Variants in IQANK1 observed in about 807,000 individuals in gnomAD.
The protein encoded by IQANK1 is IQ motif and ankyrin repeat containing 1, also known as IQ motif and ankyrin repeat domain-containing protein 1.
In IQANK1, 30 loss-of-function variants were observed where a neutral mutation model predicts 22.6. That is an observed-to-expected ratio of 1.33 (90% CI 0.99 to 1.80). The LOEUF (loss-of-function observed/expected upper bound fraction) is 1.80. Ranked by LOEUF, IQANK1 falls within the 40% of genes most tolerant of loss-of-function variation. IQANK1 has a pLI of 0.00. For missense variants in IQANK1, 275 were observed against 235.2 expected, an observed-to-expected ratio of 1.17 and a Z score of -1.11; for synonymous variants, 122 against 99.6, an observed-to-expected ratio of 1.23 and a Z score of -1.34.
intron 3 of IQANK1, among the ~76,000 whole-genome samples, chr8:143,766,303 G>A (rs1819479641): frequency 6.6e-6 from 1 of 152,096 alleles, no homozygotes; most frequent in Non-Finnish European, 1.5e-5. Flanking sequence ...CCTTTTGTCA[G>A]TTACATGGAT....
In IQANK1 at chr8:143,772,134, C is replaced by T. The variant is rs7823975; in HGVS notation, c.554C>T (p.Ala185Val). 7,777 of 395,378 alleles carry T rather than the reference C, an allele frequency of 0.02. 388 individuals carry two copies. Among genetic ancestry groups the T allele is most frequent in the African/African-American group, 0.12 (6,006 of 48,502 alleles). 24.5% of individuals were successfully genotyped at this position (395,378 alleles called of 1,614,324 possible). A position where few individuals can be genotyped will look rare whatever the true frequency, so the allele number is the denominator to read the frequency against. The change falls in exon 6 of 14, where the codon GCG (alanine) becomes GTG (valine). Residue 185 changes from alanine (A) to valine (V), a missense_variant. Physicochemically the swap from Ala to Val is moderately conservative, Grantham distance 64 (BLOSUM62 0). Coordinates refer to ENST00000527139, the MANE Select transcript of IQANK1 (RefSeq NM_001381874.1). The part of the protein sequence containing the change: ...ARRLQRRVAL[A>V]ECEDSYGNTP... ...CGGCTGCAGCGACGCGTGGCTCTGG[C>T]GGAGTGCGAGGACAGCTACGGGAAC... is the stretch of plus-strand genomic sequence containing the variant.
At chr8:143,743,048 G>A (rs1818956324) in intron 3 of IQANK1, 2 of 456,080 alleles carry the variant, frequency 4.4e-6, no homozygotes, top group Non-Finnish European at 8.8e-6. Flanking sequence ...GGGGCCCTGT[G>A]CCTGTGTCCC....
intron 3 of IQANK1, among the ~76,000 whole-genome samples, chr8:143,747,757 C>T (rs936066611): frequency 6.6e-6 from 1 of 152,032 alleles, no homozygotes. Context: ...CTTTGCGCAG[C>T]GTGATTTTAA....
At chr8:143,751,631 T>A (rs1819190540) in intron 3 of IQANK1, among the ~76,000 whole-genome samples, 1 of 27,990 alleles carries the variant, frequency 3.6e-5, no homozygotes, top group African/African-American at 1.3e-4. Flanking sequence ...AAAAAGTGTG[T>A]GTGTGTGTGT....
chr8:143,734,382 C>G (rs1453559559), intron 1 of IQANK1, among the ~76,000 whole-genome samples, 163 bp downstream of exon 1: 1 of 150,842 alleles, frequency 6.6e-6, no homozygotes, highest in African/African-American at 2.4e-5. Context: ...CCAACCCCCA[C>G]CACACACACT....
At chr8:143,761,745 T>C (rs1819400536) in intron 3 of IQANK1, among the ~76,000 whole-genome samples, 1 of 151,764 alleles carries the variant, frequency 6.6e-6, no homozygotes, top group African/African-American at 2.4e-5. Context: ...CCCATAAACA[T>C]GGAGCCTTAT....
At chr8:143,748,767 AATATATAAATATATC>A (rs1420483737) in intron 3 of IQANK1, among the ~76,000 whole-genome samples, 34 of 105,980 alleles carry the variant, frequency 3.2e-4, no homozygotes, top group African/African-American at 1.2e-3. Context: ...AAATATATAT[AATATATAAATATATC>A]ATATATAAAT....
chr8:143,767,460 G>A (rs1176277383), intron 3 of IQANK1, among the ~76,000 whole-genome samples: 6 of 152,110 alleles, frequency 3.9e-5, no homozygotes, highest in Non-Finnish European at 7.3e-5. Context: ...TTTTGGTCTT[G>A]CAGAAAAGTA....
chr8:143,769,085 CAG>C (rs1819528083), intron 3 of IQANK1, among the ~76,000 whole-genome samples: 1 of 152,074 alleles, frequency 6.6e-6, no homozygotes. Context: ...TTTACTGAGA[CAG>C]GGTCTCGCTC....
intron 3 of IQANK1, among the ~76,000 whole-genome samples, chr8:143,752,232 C>T (rs575680025): frequency 7.9e-4 from 120 of 152,322 alleles, no homozygotes; most frequent in Non-Finnish European, 1.4e-3. Context: ...CCCCAAAGTG[C>T]TGGGATTACA....
chr8:143,774,349 A>G lies in IQANK1; in HGVS notation c.789+1867A>G, dbSNP rs1336067305. ...AACATAGAAAAAACTCACATCGCAA[A>G]CAACAATGAAACATACAATCTAGGT... On this transcript the variant is annotated intron_variant, in intron 7 of 13. Coordinates refer to ENST00000527139, the MANE Select transcript of IQANK1 (RefSeq NM_001381874.1). This position sits in a 1 kb window ranked among gnomAD's most constrained non-coding sequence, Gnocchi z 4.2. Among the ~76,000 whole-genome samples the G allele has an allele frequency of 6.6e-6, 1 of 152,204 alleles. No individual in the cohort carries two copies. The highest frequency in any genetic ancestry group is 1.5e-5 in the Non-Finnish European group (1 of 68,030).
chr8:143,754,624 TTTA>T (rs1255171727), intron 3 of IQANK1, among the ~76,000 whole-genome samples: 2 of 152,070 alleles, frequency 1.3e-5, no homozygotes, highest in Admixed American at 1.3e-4. Flanking sequence ...CAATCTTATT[TTTA>T]TTATTATTTT....
rs536459303 is a variant in IQANK1, at chr8:143,779,164, T to G, written c.789+6682T>G. On this transcript the variant is annotated intron_variant, in intron 7 of 13. Transcript: ENST00000527139. The stretch of plus-strand genomic sequence containing the variant: ...TATAAATTTATAAACTTATAAGCTA[T>G]CCACTCATTAATGTGCCCATTCCAC... Among the ~76,000 whole-genome samples, 20 of 152,352 alleles carry G rather than the reference T, an allele frequency of 1.3e-4. 1 individual carries two copies. Among genetic ancestry groups the G allele is most frequent in the African/African-American group, 4.3e-4 (18 of 41,588 alleles).
At chr8:143,777,147 C>A (rs1554630501) in intron 7 of IQANK1, among the ~76,000 whole-genome samples, 1 of 150,646 alleles carries the variant, frequency 6.6e-6, no homozygotes, top group African/African-American at 2.4e-5. Context: ...TATATATACA[C>A]ACACATATAT....
intron 3 of IQANK1, among the ~76,000 whole-genome samples, chr8:143,748,862 A>ATATAAATATATAAATATATATATCATG (rs1819107493): frequency 4.9e-5 from 5 of 102,978 alleles, no homozygotes; most frequent in Non-Finnish European, 6.4e-5. Flanking sequence ...TATATATCAT[A>ATATAAATATATAAATATATATATCATG]TATAAATATA....
chr8:143,764,245 G>A (rs892119809), intron 3 of IQANK1, among the ~76,000 whole-genome samples: 4 of 152,062 alleles, frequency 2.6e-5, no homozygotes, highest in Admixed American at 2.6e-4. Context: ...CAACCTGTAA[G>A]CAACGCCCCC....
chr8:143,741,265 C>G (rs1554626456), intron 3 of IQANK1, among the ~76,000 whole-genome samples: 1 of 152,242 alleles, frequency 6.6e-6, no homozygotes, highest in Admixed American at 6.5e-5. Flanking sequence ...CTCAGCCGCT[C>G]TGCGGGGTGT....
chr8:143,757,999 A>C (rs573346126), intron 3 of IQANK1, among the ~76,000 whole-genome samples: 40 of 152,338 alleles, frequency 2.6e-4, no homozygotes, highest in African/African-American at 8.4e-4. Flanking sequence ...ATAGTGTATC[A>C]GTTCATGCTT....
At chr8:143,734,286 G>A (rs1818658686) in intron 1 of IQANK1, 67 bp downstream of exon 1, 1 of 152,010 alleles carries the variant, frequency 6.6e-6, no homozygotes, top group Non-Finnish European at 1.5e-5. Flanking sequence ...GAGCACAGGG[G>A]ATCCCCTCAC....
Sources: allele counts gnomAD v4.1 joint callset (sites outside exome capture counted in the v4.1 genomes callset), GRCh38; gene constraint gnomAD v4.1.1; non-coding constraint Gnocchi (gnomAD v3.1); transcripts MANE v1.5; gene names NCBI Gene and HGNC (gene_info 2026-07-23, HGNC 2026-07-21).